The following CCDC38 variants were observed in gnomAD, a reference collection of about 807,000 sequenced individuals.
CCDC38 encodes the protein coiled-coil domain-containing protein 38.
Under a neutral mutation model 72.8 loss-of-function variants are expected in CCDC38, and 69 were observed. The observed-to-expected ratio is 0.95, with a 90% CI of 0.78 to 1.16. The LOEUF is 1.16. Ranked by LOEUF, CCDC38 falls within the 50% of genes most tolerant of loss-of-function variation. CCDC38 has a pLI of 0.00. For missense variants in CCDC38, 626 were observed against 638.9 expected, an observed-to-expected ratio of 0.98 and a Z score of 0.22; for synonymous variants, 201 against 213.2, an observed-to-expected ratio of 0.94 and a Z score of 0.50.
chr12:95,892,013 C>G (rs2079832152), intron 8 of CCDC38, among the ~76,000 whole-genome samples: 1 of 151,816 alleles, frequency 6.6e-6, no homozygotes, highest in African/African-American at 2.4e-5. Flanking sequence ...AACTCTCTCT[C>G]CAGGTAGTAA....
rs1219454529 is a variant in CCDC38 at position 95,878,287 on chromosome 12, C to T, written c.1202G>A (p.Arg401Lys). Residue 401 changes from arginine (R) to lysine (K), a missense_variant, in exon 13 of 16, where the codon AGA (arginine) becomes AAA (lysine). Arg to Lys is a conservative substitution (Grantham distance 26, BLOSUM62 2). Coordinates refer to ENST00000344280, the MANE Select transcript of CCDC38 (RefSeq NM_182496.3). ...QEKMLKANCVREEEKAAELQL... is the reference protein window; with the variant it reads ...QEKMLKANCVKEEEKAAELQL... Reference sequence around the variant, plus strand: ...CAATTCTGCTGCTTTCTCTTCTTCTCTCACACAGTTAGCTTTAAGCATTTT... The same window carrying T: ...CAATTCTGCTGCTTTCTCTTCTTCTTTCACACAGTTAGCTTTAAGCATTTT... 1.9e-6 allele frequency: 3 copies of T among 1,613,646 alleles called. No individual in the cohort carries two copies. The highest frequency in any genetic ancestry group is 1.1e-5 in the South Asian group (1 of 91,074).
chr12:95,910,122 C>T (rs2080074640), intron 4 of CCDC38, among the ~76,000 whole-genome samples: 1 of 152,178 alleles, frequency 6.6e-6, no homozygotes, highest in African/African-American at 2.4e-5. Flanking sequence ...TCTGTCTTCA[C>T]TGATGATATG....
chr12:95,930,838 G>A (rs1380860228), intron 2 of CCDC38, among the ~76,000 whole-genome samples: 1 of 152,060 alleles, frequency 6.6e-6, no homozygotes, highest in Non-Finnish European at 1.5e-5. Flanking sequence ...TAGCAATAAG[G>A]GGTCTGCTTA....
intron 2 of CCDC38, chr12:95,934,283 T>C (rs1431153984): frequency 6.6e-6 from 1 of 152,180 alleles, no homozygotes; most frequent in African/African-American, 2.4e-5. Context: ...TGTCAGGTTG[T>C]AATTTCTTGT....
chr12:95,892,002 A>G (rs977570610), intron 8 of CCDC38, among the ~76,000 whole-genome samples: 1 of 151,560 alleles, frequency 6.6e-6, no homozygotes, highest in Admixed American at 6.6e-5. Flanking sequence ...TGCATCCTGG[A>G]AACTCTCTCT....
intron 5 of CCDC38, among the ~76,000 whole-genome samples, chr12:95,901,683 A>C (rs2079951697): frequency 6.6e-6 from 1 of 152,194 alleles, no homozygotes; most frequent in Non-Finnish European, 1.5e-5. Context: ...ATTTCAAAAA[A>C]GGTGTGAATA....
chr12:95,872,143 T>C, intron 14 of CCDC38, 112 bp downstream of exon 14: 1 of 916,454 alleles, frequency 1.1e-6, no homozygotes, highest in Non-Finnish European at 1.7e-6. Flanking sequence ...ATTTCATTCC[T>C]CCTCACTGTG....
chr12:95,907,849 CG>C (rs544389947), intron 4 of CCDC38, among the ~76,000 whole-genome samples: 154 of 151,172 alleles, frequency 1.0e-3, no homozygotes, highest in African/African-American at 3.5e-3. Context: ...GATGGGTGGC[CG>C]GGCAGAGACG....
intron 5 of CCDC38, among the ~76,000 whole-genome samples, chr12:95,902,724 T>C (rs2079963033): frequency 6.6e-6 from 1 of 152,182 alleles, no homozygotes; most frequent in South Asian, 2.1e-4. Flanking sequence ...AGGAGTGGAA[T>C]GGCTATAAAT....
intron 10 of CCDC38, among the ~76,000 whole-genome samples, chr12:95,884,370 C>G (rs1468992382): frequency 6.6e-6 from 1 of 152,130 alleles, no homozygotes; most frequent in Non-Finnish European, 1.5e-5. Flanking sequence ...ATAAATCTAA[C>G]AAAACATGTA....
intron 7 of CCDC38, among the ~76,000 whole-genome samples, chr12:95,897,140 G>A (rs1454149077): frequency 2.6e-5 from 4 of 152,058 alleles, no homozygotes; most frequent in Admixed American, 6.6e-5. Flanking sequence ...TTTCAGACTC[G>A]CTTGTCTGAA....
chr12:95,920,599 C>T (rs549918271), intron 2 of CCDC38, among the ~76,000 whole-genome samples: 1 of 151,768 alleles, frequency 6.6e-6, no homozygotes, highest in South Asian at 2.1e-4. Context: ...AAGCCAGTAA[C>T]AAAGGACCAC....
intron 5 of CCDC38, among the ~76,000 whole-genome samples, chr12:95,902,636 G>T (rs2079961956): frequency 6.6e-6 from 1 of 152,046 alleles, no homozygotes; most frequent in South Asian, 2.1e-4. Context: ...TGGACATTTT[G>T]CTTGTTTCCT....
At chr12:95,908,156 C>T (rs1210360698) in intron 4 of CCDC38, among the ~76,000 whole-genome samples, 2 of 151,852 alleles carry the variant, frequency 1.3e-5, no homozygotes, top group Non-Finnish European at 2.9e-5. Context: ...CGCCACTGCA[C>T]TCCAGCCTGG....
intron 1 of CCDC38, among the ~76,000 whole-genome samples, chr12:95,936,996 C>T (rs1317543232): frequency 1.3e-5 from 2 of 152,106 alleles, no homozygotes; most frequent in East Asian, 3.8e-4. Context: ...TCATTTTTAC[C>T]AGGTTTGGGA....
At chr12:95,904,159 A>G (rs144419666) in intron 5 of CCDC38, among the ~76,000 whole-genome samples, 1,608 of 152,306 alleles carry the variant, frequency 0.011, 18 homozygotes, top group South Asian at 0.018. Context: ...TTATTGGCAT[A>G]AAGTGTTTAT....
rs150500650 is a variant in CCDC38, at chr12:95,882,563, C to T, written c.921-1009G>A. On this transcript the variant is annotated intron_variant, in intron 10 of 15. Transcript: ENST00000344280. ...GTGGGAAAACAGAAAGGACCAGGGA[C>T]ATAGATGAATTTTAGGGAAACATAC... 7.2e-5 allele frequency among the ~76,000 whole-genome samples: 11 copies of T among 152,264 alleles called. No homozygotes were observed. In the East Asian group the frequency reaches 2.1e-3, roughly 29 times the overall value.
Position 95,918,979 on chromosome 12 carries a change from G to A in CCDC38, c.38-3C>T. 1 of 1,560,902 alleles carries A rather than the reference G, an allele frequency of 6.4e-7. No homozygotes were observed. Among genetic ancestry groups the A allele is most frequent in the Non-Finnish European group, 8.8e-7 (1 of 1,133,384 alleles). On this transcript the variant is annotated splice_region_variant and splice_polypyrimidine_tract_variant and intron_variant, in intron 2 of 15. Coordinates refer to ENST00000344280, the MANE Select transcript of CCDC38 (RefSeq NM_182496.3). ...GGTTGAGCCATCTTTTACTTTACCT[G>A]TTAAAAAAGAAAGAATGAATGAATG...
rs1447874599 is a variant in CCDC38, at chr12:95,879,727, A to T, written c.1059T>A (p.Asn353Lys). 1.9e-6 allele frequency: 3 copies of T among 1,611,980 alleles called. No homozygotes were observed. The African/African-American group carries it at 4.0e-5, about 22-fold the overall frequency. ...CTTGGGAATATTGAAACAAAGTAAGATTCTGCTCTTCCAGCTCTCTGAGGA... is the reference window on the plus strand; with the variant it reads ...CTTGGGAATATTGAAACAAAGTAAGTTTCTGCTCTTCCAGCTCTCTGAGGA... ...LQVLRELEEQ[N>K]LTLFQYSQDV... is the part of the protein sequence containing the mutation. The change falls in exon 12 of 16, where the codon AAT (asparagine) becomes AAA (lysine). Residue 353 changes from asparagine (N) to lysine (K), a missense_variant. By Grantham distance (94) the Asn-to-Lys change is moderately conservative. Transcript: ENST00000344280. The surrounding 1 kb of genome is among the most constrained non-coding windows in gnomAD (Gnocchi z 5.5).
Sources: gnomAD v4.1 joint callset for allele counts (sites outside exome capture counted in the v4.1 genomes callset) on GRCh38, gnomAD v4.1.1 for gene constraint, Gnocchi (gnomAD v3.1) non-coding constraint, MANE v1.5 for transcripts, NCBI Gene and HGNC (gene_info 2026-07-23, HGNC 2026-07-21) for gene names.